KCTD16: variants seen among roughly 807,000 people sequenced by gnomAD.
The protein encoded by KCTD16 is potassium channel tetramerization domain containing 16, also known as BTB/POZ domain-containing protein KCTD16.
In KCTD16, 13 loss-of-function variants were observed where a neutral mutation model predicts 33.2. That is an observed-to-expected ratio of 0.39 (90% confidence interval 0.25 to 0.62). The LOEUF is 0.62. Among genes scored for constraint, KCTD16 ranks in the 20% least tolerant of loss-of-function variants. The probability of loss-of-function intolerance (pLI) is 0.50; values close to 1 mark genes in which losing one functional copy is unlikely to be tolerated. For synonymous variants in KCTD16, 197 were observed against 195.3 expected, an observed-to-expected ratio of 1.01 and a Z score of -0.07; for missense variants, 441 against 525.1, an observed-to-expected ratio of 0.84 and a Z score of 1.57.
At chr5:144,250,569 A>T (rs1754670392) in intron 3 of KCTD16, among the ~76,000 whole-genome samples, 1 of 152,240 alleles carries the variant, frequency 6.6e-6, no homozygotes, top group Non-Finnish European at 1.5e-5. Context: ...TATACAGTTT[A>T]GTAGGCAATT....
intron 3 of KCTD16, among the ~76,000 whole-genome samples, chr5:144,325,051 G>A (rs1752168698): frequency 6.6e-6 from 1 of 152,184 alleles, no homozygotes; most frequent in African/African-American, 2.4e-5. Flanking sequence ...AAATCTGCAT[G>A]TCCCACACAT....
chr5:144,314,680 C>T (rs1751858775), intron 3 of KCTD16, among the ~76,000 whole-genome samples: 1 of 152,034 alleles, frequency 6.6e-6, no homozygotes, highest in Admixed American at 6.6e-5. Flanking sequence ...AGTTATACTT[C>T]CTTAAAAATA....
chr5:144,218,367 T>C (rs1753629410), intron 3 of KCTD16, among the ~76,000 whole-genome samples: 1 of 152,192 alleles, frequency 6.6e-6, no homozygotes, highest in South Asian at 2.1e-4. Context: ...TAAATCTTTT[T>C]TGCATTTTTT....
At chr5:144,386,100 C>T (rs967184918) in intron 3 of KCTD16, among the ~76,000 whole-genome samples, 2 of 152,052 alleles carry the variant, frequency 1.3e-5, no homozygotes, top group East Asian at 1.9e-4. Flanking sequence ...AAAACAGATA[C>T]GTGTATTAGA....
At chr5:144,323,931 T>G (rs185010783) in intron 3 of KCTD16, among the ~76,000 whole-genome samples, 1 of 152,306 alleles carries the variant, frequency 6.6e-6, no homozygotes, top group African/African-American at 2.4e-5. Context: ...TGCATCTTCA[T>G]GTACTGTGAC....
At chr5:144,364,455 A>G (rs1751786866) in intron 3 of KCTD16, among the ~76,000 whole-genome samples, 1 of 152,260 alleles carries the variant, frequency 6.6e-6, no homozygotes, top group African/African-American at 2.4e-5. Flanking sequence ...ACAGAACAAC[A>G]AGCGAGCATG....
chr5:144,343,979 C>A (rs2126901329), intron 3 of KCTD16, among the ~76,000 whole-genome samples: 1 of 152,110 alleles, frequency 6.6e-6, no homozygotes, highest in African/African-American at 2.4e-5. Flanking sequence ...CTACAGTAAC[C>A]AAAACAGCAT....
chr5:144,469,360 T>A (rs1316448791), intron 3 of KCTD16, among the ~76,000 whole-genome samples: 2 of 152,198 alleles, frequency 1.3e-5, no homozygotes, highest in African/African-American at 4.8e-5. Context: ...GAATACACAT[T>A]TTCCTGAGGC....
chr5:144,288,569 T>G (rs1170650786), intron 3 of KCTD16, among the ~76,000 whole-genome samples: 4 of 152,216 alleles, frequency 2.6e-5, no homozygotes, highest in African/African-American at 7.2e-5. Flanking sequence ...TTAGTACTTG[T>G]CCTTGAATCT....
At chr5:144,427,840 A>T (rs1753366516) in intron 3 of KCTD16, among the ~76,000 whole-genome samples, 1 of 152,128 alleles carries the variant, frequency 6.6e-6, no homozygotes, top group Admixed American at 6.6e-5. Flanking sequence ...TTAGGATATT[A>T]AAAAAATGGA....
At chr5:144,421,502 A>T (rs1753208731) in intron 3 of KCTD16, among the ~76,000 whole-genome samples, 1 of 152,122 alleles carries the variant, frequency 6.6e-6, no homozygotes, top group Non-Finnish European at 1.5e-5. Context: ...GAGACAGAAT[A>T]TCATGCCATC....
intron 3 of KCTD16, among the ~76,000 whole-genome samples, chr5:144,418,295 C>T (rs1488224174): frequency 6.6e-5 from 10 of 152,192 alleles, no homozygotes; most frequent in Admixed American, 6.5e-4. Context: ...AACGGGGATT[C>T]TGGTGGCCTG....
chr5:144,378,271 A>G (rs191539374), intron 3 of KCTD16, among the ~76,000 whole-genome samples: 4 of 152,328 alleles, frequency 2.6e-5, no homozygotes, highest in African/African-American at 9.6e-5. Context: ...ACTTACAGCT[A>G]TGAAATTCCA....
At chr5:144,360,422 A>G (rs1403626568) in intron 3 of KCTD16, among the ~76,000 whole-genome samples, 1 of 150,740 alleles carries the variant, frequency 6.6e-6, no homozygotes, top group Admixed American at 6.6e-5. Context: ...CCTGCAAAAG[A>G]CATGAATTCA....
At position 144,386,783 on chromosome 5, in the gene KCTD16, CA is replaced by C. The variant is rs886551886; in HGVS notation, c.833-86869del. Among the ~76,000 whole-genome samples, 27 of 151,676 alleles carry C rather than the reference CA, an allele frequency of 1.8e-4. No individual in the cohort carries two copies. In the East Asian group the frequency reaches 4.3e-3, roughly 24 times the overall value. Reference sequence around the variant, plus strand: ...TGGTAAAACAAAAAAACAAACAAAACAAAAAAAACAGCCATTCCTCAAAGAC... The same window carrying C: ...TGGTAAAACAAAAAAACAAACAAAACAAAAAAACAGCCATTCCTCAAAGAC... On this transcript the variant is annotated intron_variant, in intron 3 of 3. Transcript: ENST00000512467.
intron 3 of KCTD16, among the ~76,000 whole-genome samples, chr5:144,467,396 A>G (rs1189759684): frequency 4.6e-5 from 7 of 152,094 alleles, no homozygotes; most frequent in African/African-American, 1.4e-4. Context: ...TTTATCATAC[A>G]GATATTCAAT....
intron 3 of KCTD16, among the ~76,000 whole-genome samples, chr5:144,393,641 C>A (rs1752500381): frequency 6.6e-6 from 1 of 152,138 alleles, no homozygotes; most frequent in African/African-American, 2.4e-5. Context: ...CTGCCACCTG[C>A]ATGCCTATTT....
chr5:144,455,407 T>C (rs1333817478), intron 3 of KCTD16, among the ~76,000 whole-genome samples: 1 of 152,128 alleles, frequency 6.6e-6, no homozygotes, highest in African/African-American at 2.4e-5. Flanking sequence ...TTTTACTAGA[T>C]AACAAAGCAT....
rs73299607 is a variant in KCTD16, at chr5:144,434,840, T to C, written c.833-38820T>C. ...ATTGTGACACTGTGGGAGACAACAT[T>C]GTGGGAGCCAAGGAATCACTGGTCT... On this transcript the variant is annotated intron_variant, in intron 3 of 3. Transcript: ENST00000512467. Among the ~76,000 whole-genome samples, 1,043 of 152,258 alleles carry C rather than the reference T, an allele frequency of 6.9e-3. 10 individuals carry two copies. The highest frequency in any genetic ancestry group is 0.024 in the African/African-American group (986 of 41,560).
Sources: gnomAD v4.1 joint callset for allele counts (sites outside exome capture counted in the v4.1 genomes callset) on GRCh38, gnomAD v4.1.1 for gene constraint, MANE v1.5 for transcripts, NCBI Gene and HGNC (gene_info 2026-07-23, HGNC 2026-07-21) for gene names.